Variants in SH3BGRL observed in about 807,000 individuals in gnomAD.
SH3BGRL encodes the protein adapter SH3BGRL.
Under a neutral mutation model 9.8 loss-of-function variants are expected in SH3BGRL, and 7 were observed. That is an observed-to-expected ratio of 0.72 (90% CI 0.41 to 1.35). The LOEUF is 1.35. Ranked by LOEUF, SH3BGRL falls within the 40% of genes most tolerant of loss-of-function variation. The probability of loss-of-function intolerance (pLI) is 0.01; values close to 1 mark genes in which losing one functional copy is unlikely to be tolerated. For synonymous variants in SH3BGRL, 36 were observed against 29.1 expected (o/e 1.24, Z -0.76); for missense variants, 73 against 84.4 (o/e 0.86, Z 0.53).
chrX:81,248,614 A>G (rs1006037938), intron 1 of SH3BGRL, among the ~76,000 whole-genome samples: 1 of 112,389 alleles, frequency 8.9e-6, no homozygotes, highest in African/African-American at 3.2e-5. Flanking sequence ...AGAATTTCCA[A>G]TCTCTGGCAA....
intron 1 of SH3BGRL, among the ~76,000 whole-genome samples, chrX:81,222,734 T>C (rs1233680444): frequency 3.6e-5 from 4 of 111,626 alleles, no homozygotes; most frequent in Non-Finnish European, 5.6e-5. Context: ...TCCAAATGCC[T>C]GAGGAATCGC....
intron 3 of SH3BGRL, among the ~76,000 whole-genome samples, chrX:81,283,972 T>C (rs925942073): frequency 9.0e-6 from 1 of 111,005 alleles, no homozygotes; most frequent in African/African-American, 3.3e-5. Flanking sequence ...CAGCAAAATT[T>C]CCAGATCCAA....
At chrX:81,203,671 T>C (rs1051399098) in intron 1 of SH3BGRL, among the ~76,000 whole-genome samples, 1 of 111,652 alleles carries the variant, frequency 9.0e-6, no homozygotes, top group Non-Finnish European at 1.9e-5. Context: ...GCAGTTAGTT[T>C]TGCTTTGGGA....
At chrX:81,233,352 T>C (rs969568601) in intron 1 of SH3BGRL, among the ~76,000 whole-genome samples, 1 of 111,994 alleles carries the variant, frequency 8.9e-6, no homozygotes, top group Admixed American at 9.5e-5. Flanking sequence ...TGTTTCTCCC[T>C]CCATATTCTT....
intron 1 of SH3BGRL, among the ~76,000 whole-genome samples, chrX:81,238,476 A>C (rs947936565): frequency 4.5e-5 from 5 of 112,091 alleles, no homozygotes; most frequent in Admixed American, 3.8e-4. Flanking sequence ...CAGCCACAGT[A>C]TAATAGAACA....
intron 1 of SH3BGRL, among the ~76,000 whole-genome samples, chrX:81,250,968 G>T (rs1487369987): frequency 9.0e-6 from 1 of 111,650 alleles, no homozygotes; most frequent in Non-Finnish European, 1.9e-5. Flanking sequence ...ACTGCTTTAA[G>T]TTATACCATA....
At chrX:81,252,281 T>C (rs932776537) in intron 1 of SH3BGRL, among the ~76,000 whole-genome samples, 1 of 111,979 alleles carries the variant, frequency 8.9e-6, no homozygotes, top group African/African-American at 3.2e-5. Flanking sequence ...CAGAATCCAA[T>C]ACCCGTTTGC....
chrX:81,252,307 T>A (rs1362806795), intron 1 of SH3BGRL, among the ~76,000 whole-genome samples: 1 of 111,940 alleles, frequency 8.9e-6, no homozygotes, highest in Non-Finnish European at 1.9e-5. Flanking sequence ...GTTATACCTG[T>A]TTGCCAGTTA....
intron 1 of SH3BGRL, among the ~76,000 whole-genome samples, chrX:81,269,762 CTGT>C (rs747956324): frequency 1.8e-4 from 20 of 111,289 alleles, no homozygotes; most frequent in African/African-American, 5.9e-4. Context: ...GAATGTTGGC[CTGT>C]CTTGCTAGAT....
At chrX:81,247,910 G>A (rs182421264) in intron 1 of SH3BGRL, among the ~76,000 whole-genome samples, 40 of 108,223 alleles carry the variant, frequency 3.7e-4, no homozygotes, top group African/African-American at 1.7e-4. Context: ...GAATTTGGCT[G>A]TGAATCCATC....
chrX:81,287,125 C>T (rs2075837483), intron 3 of SH3BGRL, among the ~76,000 whole-genome samples: 1 of 111,058 alleles, frequency 9.0e-6, no homozygotes, highest in Non-Finnish European at 1.9e-5. Flanking sequence ...ATATGTGTAA[C>T]TAGTATTAAT....
intron 1 of SH3BGRL, among the ~76,000 whole-genome samples, chrX:81,226,358 T>A (rs907090699): frequency 5.5e-5 from 6 of 108,950 alleles, no homozygotes; most frequent in African/African-American, 2.0e-4. Context: ...TTTCAAACAT[T>A]CTATATGGTG....
At chrX:81,222,930 T>C (rs2075604762) in intron 1 of SH3BGRL, among the ~76,000 whole-genome samples, 1 of 112,474 alleles carries the variant, frequency 8.9e-6, no homozygotes, top group Non-Finnish European at 1.9e-5. Flanking sequence ...CCAGTGATGA[T>C]GAGCATTTTT....
chrX:81,259,655 T>C (rs1358179409), intron 1 of SH3BGRL, among the ~76,000 whole-genome samples: 1 of 111,983 alleles, frequency 8.9e-6, no homozygotes, highest in Non-Finnish European at 1.9e-5. Flanking sequence ...TGTGACAGTG[T>C]GATTTGTTTC....
At chrX:81,263,362 G>C (rs977410591) in intron 1 of SH3BGRL, among the ~76,000 whole-genome samples, 7 of 111,486 alleles carry the variant, frequency 6.3e-5, no homozygotes, top group African/African-American at 9.8e-5. Flanking sequence ...TAGCAGTTGG[G>C]TAACTGTATG....
intron 3 of SH3BGRL, among the ~76,000 whole-genome samples, chrX:81,279,435 T>A (rs961064937): frequency 6.3e-5 from 7 of 110,933 alleles, no homozygotes; most frequent in Admixed American, 5.8e-4. Context: ...CCAGCAATCC[T>A]GAGAGGACCC....
At chrX:81,238,244 G>T (rs1468957166) in intron 1 of SH3BGRL, among the ~76,000 whole-genome samples, 1 of 111,168 alleles carries the variant, frequency 9.0e-6, no homozygotes, top group Non-Finnish European at 1.9e-5. Flanking sequence ...GACCTGCCCT[G>T]GGCCTGAAGG....
intron 1 of SH3BGRL, among the ~76,000 whole-genome samples, chrX:81,230,764 A>G (rs1217557158): frequency 8.9e-6 from 1 of 111,741 alleles, no homozygotes; most frequent in African/African-American, 3.3e-5. Context: ...CGTCCATATA[A>G]CATTCCCGAG....
intron 3 of SH3BGRL, among the ~76,000 whole-genome samples, chrX:81,290,620 C>CA (rs955591687): frequency 1.8e-5 from 2 of 108,549 alleles, no homozygotes; most frequent in African/African-American, 6.7e-5. Flanking sequence ...GTTAATGGCA[C>CA]AAAAAACAGA....
Sources: allele counts gnomAD v4.1 joint callset (sites outside exome capture counted in the v4.1 genomes callset), GRCh38; gene constraint gnomAD v4.1.1; transcripts MANE v1.5; gene names NCBI Gene and HGNC (gene_info 2026-07-23, HGNC 2026-07-21).